CTNNA2: variants seen among roughly 807,000 people sequenced by gnomAD.
The protein encoded by CTNNA2 is catenin alpha 2, also known as catenin alpha-2.
In CTNNA2, 42 loss-of-function variants were observed where a neutral mutation model predicts 101.0. The observed-to-expected ratio is 0.42, with a 90% CI of 0.32 to 0.54. The LOEUF is 0.54. CTNNA2 is among the 20% of genes least tolerant of loss of function. The pLI, the probability that CTNNA2 is intolerant of heterozygous loss-of-function variation, is 0.14. For synonymous variants in CTNNA2, 450 were observed against 456.4 expected (o/e 0.99, Z 0.18); for missense variants, 871 against 1,223.1 (o/e 0.71, Z 4.29).
intron 9 of CTNNA2, among the ~76,000 whole-genome samples, chr2:80,438,462 G>C (rs12052889): frequency 6.6e-6 from 1 of 151,766 alleles, no homozygotes; most frequent in South Asian, 2.1e-4. Context: ...GAGAAGGGAA[G>C]CAGAAATACT....
chr2:80,310,383 T>A (rs557634874), intron 7 of CTNNA2, among the ~76,000 whole-genome samples: 1 of 152,180 alleles, frequency 6.6e-6, no homozygotes, highest in African/African-American at 2.4e-5. Flanking sequence ...GCTTTAGGTA[T>A]CTTTCAGCTG....
At chr2:80,185,836 G>C (rs1281187850) in intron 7 of CTNNA2, among the ~76,000 whole-genome samples, 1 of 152,132 alleles carries the variant, frequency 6.6e-6, no homozygotes, top group Non-Finnish European at 1.5e-5. Flanking sequence ...GAAGCTGTTA[G>C]GTTCTTTGCA....
At chr2:79,865,477 G>A (rs181109920) in intron 4 of CTNNA2, among the ~76,000 whole-genome samples, 1 of 152,238 alleles carries the variant, frequency 6.6e-6, no homozygotes, top group African/African-American at 2.4e-5. Context: ...AGTCAACTTA[G>A]GTAACAATAG....
At chr2:80,539,910 C>T (rs1691394159) in intron 9 of CTNNA2, among the ~76,000 whole-genome samples, 1 of 152,162 alleles carries the variant, frequency 6.6e-6, no homozygotes, top group Non-Finnish European at 1.5e-5. Context: ...GCGATTAAAT[C>T]TTGTGGCTTC....
At chr2:79,208,442 C>T (rs893746543) in intron 2 of CTNNA2, among the ~76,000 whole-genome samples, 2 of 152,028 alleles carry the variant, frequency 1.3e-5, no homozygotes, top group African/African-American at 4.8e-5. Context: ...AATCTATATT[C>T]CTGTTAGTAT....
At chr2:80,645,283 TGTG>T (rs1673950385) in intron 18 of CTNNA2, among the ~76,000 whole-genome samples, 1 of 152,086 alleles carries the variant, frequency 6.6e-6, no homozygotes, top group African/African-American at 2.4e-5. Context: ...CTAAAGAAAC[TGTG>T]ACTTATCTGT....
intron 3 of CTNNA2, among the ~76,000 whole-genome samples, chr2:79,844,852 C>T (rs1309594957): frequency 6.6e-6 from 1 of 151,892 alleles, no homozygotes; most frequent in Non-Finnish European, 1.5e-5. Flanking sequence ...CTCATCTATA[C>T]TCTTTGTCTT....
intron 7 of CTNNA2, among the ~76,000 whole-genome samples, chr2:80,173,536 A>G (rs1419824895): frequency 6.6e-6 from 1 of 152,196 alleles, no homozygotes. Flanking sequence ...TTATTTAAGG[A>G]AGGGACAAAT....
At chr2:79,519,067 A>G (rs1671959417) in intron 1 of CTNNA2, among the ~76,000 whole-genome samples, 1 of 151,886 alleles carries the variant, frequency 6.6e-6, no homozygotes, top group Non-Finnish European at 1.5e-5. Flanking sequence ...TGTCTCTACT[A>G]AAAATACAAA....
intron 2 of CTNNA2, among the ~76,000 whole-genome samples, chr2:79,279,176 G>C (rs971407640): frequency 2.6e-5 from 4 of 152,134 alleles, no homozygotes; most frequent in African/African-American, 9.6e-5. Flanking sequence ...TAAAAACCCA[G>C]CCCTTCCAAG....
intron 1 of CTNNA2, among the ~76,000 whole-genome samples, chr2:79,612,782 A>T (rs2104213068): frequency 6.6e-6 from 1 of 152,294 alleles, no homozygotes; most frequent in South Asian, 2.1e-4. Flanking sequence ...CAAAGTTGGA[A>T]AATACTAAGA....
At chr2:79,504,628 T>C (rs889737763) in intron 4 of CTNNA2, among the ~76,000 whole-genome samples, 2 of 152,160 alleles carry the variant, frequency 1.3e-5, no homozygotes, top group Non-Finnish European at 2.9e-5. Flanking sequence ...CTGGATGGAC[T>C]TGTGACTTTG....
intron 9 of CTNNA2, among the ~76,000 whole-genome samples, chr2:80,513,639 CA>C (rs1260594936): frequency 1.5e-4 from 23 of 152,320 alleles, no homozygotes; most frequent in African/African-American, 5.5e-4. Flanking sequence ...TCTTTCTTGT[CA>C]CATGATAGAT....
chr2:79,385,489 T>G (rs929799619), intron 4 of CTNNA2, among the ~76,000 whole-genome samples: 2 of 149,714 alleles, frequency 1.3e-5, no homozygotes, highest in African/African-American at 4.9e-5. Context: ...CAGGGTTAAA[T>G]AGGGTCTTTA....
intron 4 of CTNNA2, among the ~76,000 whole-genome samples, chr2:79,480,727 A>C (rs975564042): frequency 6.6e-6 from 1 of 152,120 alleles, no homozygotes; most frequent in Non-Finnish European, 1.5e-5. Context: ...TATGCTAAAC[A>C]CTCTGGTACT....
intron 7 of CTNNA2, among the ~76,000 whole-genome samples, chr2:80,379,132 A>T (rs1189705623): frequency 6.6e-6 from 1 of 152,162 alleles, no homozygotes; most frequent in East Asian, 1.9e-4. Flanking sequence ...TTAGGAAATC[A>T]GCATAGTGTA....
chr2:80,237,771 A>G (rs771491053), intron 7 of CTNNA2, among the ~76,000 whole-genome samples: 2 of 152,194 alleles, frequency 1.3e-5, no homozygotes, highest in Non-Finnish European at 2.9e-5. Context: ...TATGAAACTC[A>G]GGATTGGGAA....
intron 7 of CTNNA2, among the ~76,000 whole-genome samples, chr2:80,053,163 A>G (rs1696989434): frequency 6.6e-6 from 1 of 152,188 alleles, no homozygotes; most frequent in Non-Finnish European, 1.5e-5. Flanking sequence ...GCCTATCTTT[A>G]TACTCGGAAG....
chr2:79,362,366 C>A (rs912919958), intron 3 of CTNNA2, among the ~76,000 whole-genome samples: 1 of 152,146 alleles, frequency 6.6e-6, no homozygotes. Flanking sequence ...ATGTTTTGAA[C>A]TATGTATACC....
Sources: allele counts gnomAD v4.1 joint callset (sites outside exome capture counted in the v4.1 genomes callset), GRCh38; gene constraint gnomAD v4.1.1; transcripts MANE v1.5; gene names NCBI Gene and HGNC (gene_info 2026-07-23, HGNC 2026-07-21).